Variants in PTCHD4 observed in about 807,000 individuals in gnomAD.
PTCHD4 encodes patched domain-containing protein 4.
In PTCHD4, 33 loss-of-function variants were observed where a neutral mutation model predicts 58.1. The observed-to-expected ratio is 0.57, with a 90% CI of 0.43 to 0.76. The LOEUF (loss-of-function observed/expected upper bound fraction) is 0.76, where lower values mean the gene tolerates loss of function less well. PTCHD4 is among the 30% of genes least tolerant of loss of function. The pLI is 0.00. For synonymous variants in PTCHD4, 478 were observed against 409.6 expected, an observed-to-expected ratio of 1.17 and a Z score of -2.02; for missense variants, 1,058 against 1,027.1, an observed-to-expected ratio of 1.03 and a Z score of -0.41.
Position 48,068,241 on chromosome 6 carries a change from G to T in PTCHD4, c.406C>A (p.Leu136Met), listed in dbSNP as rs1408896149. The T allele has an allele frequency of 6.4e-7, 1 of 1,570,766 alleles. No homozygotes were observed. Among genetic ancestry groups the T allele is most frequent in the Non-Finnish European group, 8.6e-7 (1 of 1,156,246 alleles). The change falls in exon 3 of 5, where the codon CTG (leucine) becomes ATG (methionine). Residue 136 changes from leucine (L) to methionine (M), a missense_variant. Transcript: ENST00000339488. This position sits in a 1 kb window ranked among gnomAD's most constrained non-coding sequence, Gnocchi z 4.2. ...EGILQTHRAV[L>M]EMKDGRNSFI... ...CCCTTGTGGTTCACCTTCATTTCCA[G>T]CACGGCTCGGTGGGTCTGCAGGATC... is the stretch of plus-strand genomic sequence containing the variant.
intron 4 of PTCHD4, among the ~76,000 whole-genome samples, chr6:47,913,077 G>A (rs551152539): frequency 3.0e-4 from 46 of 152,120 alleles, no homozygotes; most frequent in African/African-American, 1.1e-3. Context: ...TTAAAAACTT[G>A]AGTTTCTGTC....
rs1019324779 is a variant in PTCHD4, at chr6:47,873,400, C to A, written c.*4903G>T. 2.6e-5 allele frequency among the ~76,000 whole-genome samples: 4 copies of A among 151,780 alleles called. No homozygotes were observed. The highest frequency in any genetic ancestry group is 7.2e-5 in the African/African-American group (3 of 41,484). On this transcript the variant is annotated 3_prime_UTR_variant, in exon 5 of 5. Coordinates refer to ENST00000339488, the MANE Select transcript of PTCHD4 (RefSeq NM_001384253.1). ...AGTGTCATTTCAAATGTTGCCTGAT[C>A]TAACTCCACAACACTTCAAACACAG...
In PTCHD4 at chr6:47,879,476, T is replaced by C; in HGVS notation, c.1359A>G (p.Glu453=). Residue 453 remains glutamate, a synonymous_variant, in exon 5 of 5, where the codon GAA becomes GAG. Coordinates refer to ENST00000339488, the MANE Select transcript of PTCHD4 (RefSeq NM_001384253.1). ...IQHFLREHYN[E]WITNIYVKPF... ...GCTTCACATATATATTGGTAATCCA[T>C]TCATTATAATGTTCACGGAGGAAGT... The C allele has an allele frequency of 1.2e-6, 2 of 1,613,682 alleles. No individual in the cohort carries two copies. The highest frequency in any genetic ancestry group is 1.7e-6 in the Non-Finnish European group (2 of 1,179,732).
chr6:47,945,757 ATAAATTAT>A (rs1766392595), intron 4 of PTCHD4, among the ~76,000 whole-genome samples: 2 of 151,820 alleles, frequency 1.3e-5, no homozygotes, highest in Non-Finnish European at 2.9e-5. Context: ...TATGAAAATT[ATAAATTAT>A]TAATTTAATT....
chr6:48,003,676 C>G (rs1768828069), intron 4 of PTCHD4, among the ~76,000 whole-genome samples: 1 of 152,194 alleles, frequency 6.6e-6, no homozygotes, highest in Non-Finnish European at 1.5e-5. Flanking sequence ...ACCACACCCT[C>G]TTGTCTCAAA....
intron 3 of PTCHD4, among the ~76,000 whole-genome samples, chr6:48,017,014 T>A (rs1339866181): frequency 6.6e-6 from 1 of 152,192 alleles, no homozygotes; most frequent in Non-Finnish European, 1.5e-5. Context: ...TGCAAAGATA[T>A]TGGAAAGTTT....
chr6:48,043,139 C>T (rs1229913950), intron 3 of PTCHD4, among the ~76,000 whole-genome samples: 3 of 151,884 alleles, frequency 2.0e-5, no homozygotes, highest in African/African-American at 7.2e-5. Context: ...GGCTCAAACA[C>T]ACACACAAAC....
intron 1 of PTCHD4, among the ~76,000 whole-genome samples, chr6:48,072,196 C>T (rs760432878): frequency 1.4e-4 from 22 of 152,020 alleles, no homozygotes; most frequent in Admixed American, 6.6e-4. Context: ...GGTTGGAGTC[C>T]GTAATTTGCA....
rs1230319229 is a variant in PTCHD4, at chr6:48,008,983, G to T, written c.549C>A (p.Thr183=). Residue 183 remains threonine (T), a synonymous_variant, in exon 4 of 5, where the codon ACC becomes ACA. Transcript: ENST00000339488. ...TYYLQTYGSA[T]QDLIGEKWEN... ...CCCACTTCTCCCCTATGAGGTCTTG[G>T]GTGGCAGAGCCATAGGTCTGGAGGT... The T allele has an allele frequency of 6.2e-6, 10 of 1,613,826 alleles. No homozygotes were observed. The highest frequency in any genetic ancestry group is 8.5e-6 in the Non-Finnish European group (10 of 1,179,894).
chr6:47,867,089 C>G lies in PTCHD4; in HGVS notation c.*11214G>C, dbSNP rs1763587397. Among the ~76,000 whole-genome samples, 1 of 151,724 alleles carries G rather than the reference C, an allele frequency of 6.6e-6. No individual in the cohort carries two copies. Among genetic ancestry groups the G allele is most frequent in the African/African-American group, 2.4e-5 (1 of 41,362 alleles). On this transcript the variant is annotated 3_prime_UTR_variant, in exon 5 of 5. Coordinates refer to ENST00000339488, the MANE Select transcript of PTCHD4 (RefSeq NM_001384253.1). ...CTGGGAACAATCTATAAATCAGGGA[C>G]AATAATACCTATTCTATTAGGCAGG...
At chr6:48,034,278 G>A (rs1187787967) in intron 3 of PTCHD4, among the ~76,000 whole-genome samples, 2 of 152,052 alleles carry the variant, frequency 1.3e-5, no homozygotes, top group Admixed American at 1.3e-4. Flanking sequence ...AGGTACACAT[G>A]ACCTAAAATG....
chr6:48,110,780 T>A (rs1006284620), intron 1 of PTCHD4, among the ~76,000 whole-genome samples: 8 of 139,964 alleles, frequency 5.7e-5, no homozygotes, highest in Admixed American at 5.0e-4. Flanking sequence ...TTCTATTTTA[T>A]ATATATATAT....
chr6:48,068,522 A>G lies in PTCHD4; in HGVS notation c.125T>C (p.Phe42Ser). The stretch of plus-strand genomic sequence containing the variant: ...TGTCAGGACTGCGGGCACGGTGAGG[A>G]AAAAGACCGGGTGCCGGCTCACGCA... ...GLCVSRHPVFFLTVPAVLTIT... is the reference protein window; with the variant it reads ...GLCVSRHPVFSLTVPAVLTIT... Residue 42 changes from phenylalanine to serine, a missense_variant, in exon 3 of 5, where the codon TTC becomes TCC. Phe to Ser is a radical substitution (Grantham distance 155). Transcript: ENST00000339488. This position sits in a 1 kb window ranked among gnomAD's most constrained non-coding sequence, Gnocchi z 4.2. 6.2e-7 allele frequency: 1 copy of G among 1,612,208 alleles called. No individual in the cohort carries two copies. The highest frequency in any genetic ancestry group is 8.5e-7 in the Non-Finnish European group (1 of 1,179,728).
rs778387951 is a variant in PTCHD4 at position 47,896,808 on chromosome 6, G to A, written c.899-16872C>T. 5.7e-4 allele frequency among the ~76,000 whole-genome samples: 87 copies of A among 152,144 alleles called. 1 individual carries two copies. The highest frequency in any genetic ancestry group is 7.6e-4 in the Non-Finnish European group (52 of 68,024). ...TATTACACTCTCCTCTCATTTAATG[G>A]TTAAGAAATGGAGGCTTGGAAGAAT... On this transcript the variant is annotated intron_variant, in intron 4 of 4. Coordinates refer to ENST00000339488, the MANE Select transcript of PTCHD4 (RefSeq NM_001384253.1).
chr6:47,984,358 G>T (rs1275680446), intron 4 of PTCHD4, among the ~76,000 whole-genome samples: 1 of 152,094 alleles, frequency 6.6e-6, no homozygotes, highest in Admixed American at 6.6e-5. Context: ...ACAGGAGAGA[G>T]GAGAGCAAGC....
chr6:47,954,990 A>C lies in PTCHD4; in HGVS notation c.898+53644T>G, dbSNP rs77118679. ...GTGTTTTGGCCTCCAACCCTGGCCA[A>C]AGTCTCAGCAAAAACTAGCCAAACA... On this transcript the variant is annotated intron_variant, in intron 4 of 4. Coordinates refer to ENST00000339488, the MANE Select transcript of PTCHD4 (RefSeq NM_001384253.1). 4.1e-4 allele frequency among the ~76,000 whole-genome samples: 63 copies of C among 152,312 alleles called. No homozygotes were observed. The East Asian group carries it at 0.011, about 26-fold the overall frequency.
chr6:47,970,930 G>T (rs921872081), intron 4 of PTCHD4, among the ~76,000 whole-genome samples: 4 of 152,148 alleles, frequency 2.6e-5, no homozygotes, highest in Non-Finnish European at 5.9e-5. Flanking sequence ...AAGCACTCAG[G>T]TGTGAATATC....
At position 47,921,956 on chromosome 6, in the gene PTCHD4, AAAAAGAAAAG is replaced by A. The variant is rs577009756; in HGVS notation, c.899-42030_899-42021del. ...CAAGACACCTTGTCTAAAAAAAAAA[AAAAAGAAAAG>A]AAAAGAAAAGAAAAGAAAAGAAACT... On this transcript the variant is annotated intron_variant, in intron 4 of 4. Coordinates refer to ENST00000339488, the MANE Select transcript of PTCHD4 (RefSeq NM_001384253.1). Among the ~76,000 whole-genome samples, 1,400 of 147,020 alleles carry A rather than the reference AAAAAGAAAAG, an allele frequency of 9.5e-3. 11 individuals carry two copies. The highest frequency in any genetic ancestry group is 0.011 in the Non-Finnish European group (759 of 67,086).
At chr6:48,015,898 A>T (rs1762850456) in intron 3 of PTCHD4, among the ~76,000 whole-genome samples, 1 of 151,836 alleles carries the variant, frequency 6.6e-6, no homozygotes, top group Non-Finnish European at 1.5e-5. Flanking sequence ...GATATATATA[A>T]CTAATTATAG....
Sources: gnomAD v4.1 joint callset for allele counts (sites outside exome capture counted in the v4.1 genomes callset) on GRCh38, gnomAD v4.1.1 for gene constraint, Gnocchi (gnomAD v3.1) non-coding constraint, MANE v1.5 for transcripts, NCBI Gene and HGNC (gene_info 2026-07-23, HGNC 2026-07-21) for gene names.